The following PDE4D variants were observed in gnomAD, a reference collection of about 807,000 sequenced individuals.
The protein encoded by PDE4D is 3',5'-cyclic-AMP phosphodiesterase 4D.
PDE4D carries 24 observed loss-of-function variants against 87.4 expected under a neutral mutation model. The ratio of observed to expected loss-of-function variants is 0.27; its 90% confidence interval spans 0.20 to 0.39. The LOEUF (loss-of-function observed/expected upper bound fraction) is 0.39. PDE4D is among the 10% of genes least tolerant of loss of function. The pLI is 1.00. For synonymous variants in PDE4D, 384 were observed against 383.2 expected, an observed-to-expected ratio of 1.00 and a Z score of -0.02; for missense variants, 714 against 1,041.0, an observed-to-expected ratio of 0.69 and a Z score of 4.32.
chr5:59,555,987 C>T (rs1818839242), intron 1 of PDE4D, among the ~76,000 whole-genome samples: 1 of 152,148 alleles, frequency 6.6e-6, no homozygotes, highest in Non-Finnish European at 1.5e-5. Context: ...GATCCTATTT[C>T]ACGTGAATAT....
chr5:59,609,486 G>A (rs1476215731), intron 1 of PDE4D, among the ~76,000 whole-genome samples: 2 of 151,868 alleles, frequency 1.3e-5, no homozygotes, highest in African/African-American at 2.4e-5. Context: ...GAAGCAATAC[G>A]TGTCACTTCT....
intron 1 of PDE4D, among the ~76,000 whole-genome samples, chr5:59,414,244 T>C (rs551209912): frequency 6.6e-6 from 1 of 152,308 alleles, no homozygotes; most frequent in South Asian, 2.1e-4. Context: ...ATATGGAATG[T>C]GAACCTCAGA....
At chr5:59,876,501 C>T (rs1748627351) in intron 1 of PDE4D, among the ~76,000 whole-genome samples, 1 of 152,094 alleles carries the variant, frequency 6.6e-6, no homozygotes, top group Non-Finnish European at 1.5e-5. Flanking sequence ...TAATTGATTG[C>T]TAAGAATGGA....
At chr5:59,348,794 T>A (rs1291251128) in intron 1 of PDE4D, among the ~76,000 whole-genome samples, 1 of 152,094 alleles carries the variant, frequency 6.6e-6, no homozygotes, top group Admixed American at 6.6e-5. Context: ...TACCAGCTAA[T>A]GAATTATATA....
intron 1 of PDE4D, among the ~76,000 whole-genome samples, chr5:60,382,135 C>T (rs1761901747): frequency 6.6e-6 from 1 of 151,850 alleles, no homozygotes; most frequent in South Asian, 2.1e-4. Context: ...AGAAGTTTGT[C>T]TTATGAGCAA....
intron 5 of PDE4D, among the ~76,000 whole-genome samples, chr5:59,139,858 TG>T: frequency 6.6e-6 from 1 of 152,030 alleles, no homozygotes; most frequent in Admixed American, 6.5e-5. Context: ...ACTGAGAAAC[TG>T]GGGGCTTTTC....
At chr5:60,308,868 C>T (rs1339443201) in intron 1 of PDE4D, among the ~76,000 whole-genome samples, 1 of 152,058 alleles carries the variant, frequency 6.6e-6, no homozygotes, top group East Asian at 1.9e-4. Flanking sequence ...CAAACTTGCC[C>T]CCCGCCCACC....
intron 1 of PDE4D, among the ~76,000 whole-genome samples, chr5:60,245,316 C>T (rs574724508): frequency 2.6e-5 from 4 of 151,686 alleles, no homozygotes; most frequent in Non-Finnish European, 4.4e-5. Context: ...AAAATGGAAC[C>T]CTTGTATGCT....
intron 2 of PDE4D, among the ~76,000 whole-genome samples, chr5:59,205,744 A>T (rs1581378027): frequency 6.6e-6 from 1 of 151,880 alleles, no homozygotes; most frequent in African/African-American, 2.4e-5. Context: ...TAACAAATTC[A>T]ATTTGAAGTT....
At chr5:59,850,522 A>G (rs981615662) in intron 1 of PDE4D, among the ~76,000 whole-genome samples, 2 of 152,072 alleles carry the variant, frequency 1.3e-5, no homozygotes, top group Non-Finnish European at 2.9e-5. Context: ...TATTTCAGGC[A>G]AAGAGAACAG....
At chr5:59,763,467 C>G (rs1315087187) in intron 1 of PDE4D, among the ~76,000 whole-genome samples, 14 of 152,056 alleles carry the variant, frequency 9.2e-5, no homozygotes, top group Admixed American at 9.2e-4. Context: ...GGTTTTATGA[C>G]TTAAATATGA....
intron 1 of PDE4D, among the ~76,000 whole-genome samples, chr5:59,731,908 T>TGCATTATAATGCATTATAA (rs1210255912): frequency 6.6e-6 from 1 of 152,214 alleles, no homozygotes; most frequent in Non-Finnish European, 1.5e-5. Context: ...GCATTATAAC[T>TGCATTATAATGCATTATAA]GAATGTTGTT....
At chr5:60,067,344 G>T (rs780737744) in intron 2 of PDE4D, among the ~76,000 whole-genome samples, 2 of 152,056 alleles carry the variant, frequency 1.3e-5, no homozygotes, top group Non-Finnish European at 2.9e-5. Context: ...AGAGATAGAG[G>T]AAAGCTCAGT....
intron 1 of PDE4D, among the ~76,000 whole-genome samples, chr5:59,471,574 T>G (rs984892248): frequency 2.6e-5 from 4 of 152,220 alleles, no homozygotes; most frequent in African/African-American, 9.6e-5. Flanking sequence ...GCTTTATAGC[T>G]TCTGTAAATC....
intron 1 of PDE4D, among the ~76,000 whole-genome samples, chr5:59,452,384 A>G (rs1425983488): frequency 6.6e-6 from 1 of 152,314 alleles, no homozygotes; most frequent in Non-Finnish European, 1.5e-5. Context: ...GATCTGATTC[A>G]TTGCACTGGT....
Position 59,571,426 on chromosome 5 carries a change from C to T in PDE4D, c.455+321742G>A, listed in dbSNP as rs536407689. 2.0e-5 allele frequency among the ~76,000 whole-genome samples: 3 copies of T among 152,232 alleles called. No individual in the cohort carries two copies. In the South Asian group the frequency reaches 6.2e-4, roughly 32 times the overall value. On this transcript the variant is annotated intron_variant, in intron 1 of 14. Transcript: ENST00000340635. ...AGAAGGGGTGGAGAAAGCACGCAAC[C>T]CAAATTACCCAAAGGAGCTGCTTAT... is the stretch of plus-strand genomic sequence containing the variant.
At chr5:59,756,901 G>A (rs1204226038) in intron 1 of PDE4D, among the ~76,000 whole-genome samples, 3 of 149,908 alleles carry the variant, frequency 2.0e-5, no homozygotes, top group South Asian at 2.1e-4. Flanking sequence ...AGGTTCCAGC[G>A]ATTCTCCTGC....
intron 5 of PDE4D, among the ~76,000 whole-genome samples, chr5:59,168,640 A>AGAG (rs1782265387): frequency 6.6e-6 from 1 of 152,206 alleles, no homozygotes; most frequent in South Asian, 2.1e-4. Context: ...TAGATGGTAT[A>AGAG]GATTTGTTTT....
intron 1 of PDE4D, among the ~76,000 whole-genome samples, chr5:59,516,692 A>C (rs2153671073): frequency 6.6e-6 from 1 of 152,324 alleles, no homozygotes; most frequent in Non-Finnish European, 1.5e-5. Flanking sequence ...TCTGGAAGAA[A>C]TTTGAGGAAG....
Sources: allele counts gnomAD v4.1 joint callset (sites outside exome capture counted in the v4.1 genomes callset), GRCh38; gene constraint gnomAD v4.1.1; transcripts MANE v1.5; gene names NCBI Gene and HGNC (gene_info 2026-07-23, HGNC 2026-07-21).